APBA1: variants seen among roughly 807,000 people sequenced by gnomAD.
The protein encoded by APBA1 is amyloid-beta A4 precursor protein-binding family A member 1.
In APBA1, 55 loss-of-function variants were observed where a neutral mutation model predicts 86.6. The ratio of observed to expected loss-of-function variants is 0.64; its 90% confidence interval spans 0.51 to 0.80. The LOEUF (loss-of-function observed/expected upper bound fraction) is 0.80, where lower values mean the gene tolerates loss of function less well. Ranked by LOEUF, APBA1 falls within the 30% of genes least tolerant of loss-of-function variation. The pLI is 0.00. For missense variants in APBA1, 1,090 were observed against 1,183.0 expected (o/e 0.92, Z 1.15); for synonymous variants, 511 against 493.9 (o/e 1.03, Z -0.46).
chr9:69,442,950 C>T (rs192777421), intron 10 of APBA1, among the ~76,000 whole-genome samples: 84 of 152,340 alleles, frequency 5.5e-4, no homozygotes, highest in African/African-American at 1.9e-3. Context: ...GACAACTTCA[C>T]TGCAAACAGA....
chr9:69,545,719 C>T (rs1836687493), intron 1 of APBA1, among the ~76,000 whole-genome samples: 2 of 152,174 alleles, frequency 1.3e-5, no homozygotes, highest in South Asian at 2.1e-4. Flanking sequence ...TGTAAGAAGT[C>T]TTCTTTACTA....
At chr9:69,567,922 T>A (rs935808659) in intron 1 of APBA1, among the ~76,000 whole-genome samples, 7 of 152,096 alleles carry the variant, frequency 4.6e-5, no homozygotes, top group Admixed American at 2.6e-4. Flanking sequence ...GGAGAAATGA[T>A]GAAAACTCTT....
At chr9:69,643,267 C>T (rs1168217239) in intron 1 of APBA1, among the ~76,000 whole-genome samples, 2 of 152,094 alleles carry the variant, frequency 1.3e-5, no homozygotes, top group African/African-American at 2.4e-5. Flanking sequence ...CTTCACCTGC[C>T]GAGTCTCAGT....
At chr9:69,541,240 T>G (rs1311016714) in intron 1 of APBA1, among the ~76,000 whole-genome samples, 1 of 137,902 alleles carries the variant, frequency 7.3e-6, no homozygotes, top group African/African-American at 2.7e-5. Flanking sequence ...CTATTTTTAA[T>G]TGTTTTAGGG....
intron 3 of APBA1, 83 bp downstream of exon 3, chr9:69,475,965 A>C: frequency 9.0e-7 from 1 of 1,106,128 alleles, no homozygotes; most frequent in Non-Finnish European, 1.4e-6. Flanking sequence ...GGAGCGCTGT[A>C]GGATGCTGTA....
intron 11 of APBA1, among the ~76,000 whole-genome samples, chr9:69,434,708 A>AG: frequency 6.8e-6 from 1 of 146,388 alleles, no homozygotes; most frequent in African/African-American, 2.7e-5. Context: ...CTCCATCTCA[A>AG]TTTAAAAAAA....
At chr9:69,548,818 C>T (rs1171446664) in intron 1 of APBA1, among the ~76,000 whole-genome samples, 1 of 152,208 alleles carries the variant, frequency 6.6e-6, no homozygotes, top group Non-Finnish European at 1.5e-5. Flanking sequence ...TCCCCTCCTC[C>T]CCACAAAGCC....
intron 1 of APBA1, among the ~76,000 whole-genome samples, chr9:69,642,611 C>T (rs1581958): frequency 0.99 from 151,387 of 152,156 alleles, 75,316 homozygotes; most frequent in Middle Eastern, 1. Context: ...GGTCAAATAT[C>T]ATTCTATATG....
At chr9:69,649,224 T>C (rs1024776373) in intron 1 of APBA1, among the ~76,000 whole-genome samples, 2 of 152,194 alleles carry the variant, frequency 1.3e-5, no homozygotes, top group African/African-American at 4.8e-5. Flanking sequence ...TCTTCTCTTT[T>C]GCCCCTTTTC....
chr9:69,440,223 A>G (rs1053130225), intron 11 of APBA1, among the ~76,000 whole-genome samples: 6 of 152,148 alleles, frequency 3.9e-5, no homozygotes, highest in African/African-American at 7.2e-5. Flanking sequence ...TAGGCTACTC[A>G]GGGGTCAGGG....
chr9:69,646,587 C>T (rs558854940), intron 1 of APBA1, among the ~76,000 whole-genome samples: 56 of 152,274 alleles, frequency 3.7e-4, no homozygotes, highest in South Asian at 4.1e-4. Context: ...GGCTTCAAGC[C>T]TTCCTTGCTC....
chr9:69,565,237 GA>G (rs1472200335), intron 1 of APBA1, among the ~76,000 whole-genome samples: 2 of 151,930 alleles, frequency 1.3e-5, no homozygotes, highest in African/African-American at 4.8e-5. Context: ...CCTTTCCAAG[GA>G]CCCTCCTGTT....
In APBA1 at chr9:69,622,129, G is replaced by A. The variant is rs550515931; in HGVS notation, c.-70+50024C>T. On this transcript the variant is annotated intron_variant, in intron 1 of 12. Coordinates refer to ENST00000265381, the MANE Select transcript of APBA1 (RefSeq NM_001163.4). ...TCAATTGGTCTGGGATGGGCCCCAG[G>A]AATCTGGGGATGTCACCCATATGTG... 4.6e-5 allele frequency among the ~76,000 whole-genome samples: 7 copies of A among 152,256 alleles called. No individual in the cohort carries two copies. The East Asian group carries it at 1.4e-3, about 29-fold the overall frequency.
chr9:69,533,656 G>A (rs746507259), intron 1 of APBA1, among the ~76,000 whole-genome samples: 1 of 150,962 alleles, frequency 6.6e-6, no homozygotes, highest in Non-Finnish European at 1.5e-5. Flanking sequence ...GGTGGGAGTG[G>A]TAAAAAGGAC....
chr9:69,541,487 G>T (rs1351741716), intron 1 of APBA1, among the ~76,000 whole-genome samples: 1 of 150,964 alleles, frequency 6.6e-6, no homozygotes, highest in African/African-American at 2.4e-5. Flanking sequence ...TATACCCATT[G>T]ACCATCTGTA....
At chr9:69,606,349 C>CA (rs1822471760) in intron 1 of APBA1, among the ~76,000 whole-genome samples, 1 of 152,178 alleles carries the variant, frequency 6.6e-6, no homozygotes, top group Admixed American at 6.5e-5. Context: ...AACTTGATAT[C>CA]TGCTGCCTAG....
At chr9:69,538,428 C>T (rs1488802491) in intron 1 of APBA1, among the ~76,000 whole-genome samples, 1 of 152,192 alleles carries the variant, frequency 6.6e-6, no homozygotes, top group African/African-American at 2.4e-5. Context: ...CATCCCAAAT[C>T]CATGGAACTT....
At chr9:69,455,395 G>A (rs1396591199) in intron 8 of APBA1, among the ~76,000 whole-genome samples, 2 of 152,126 alleles carry the variant, frequency 1.3e-5, no homozygotes, top group African/African-American at 4.8e-5. Context: ...GATGGTGCGG[G>A]GAGGTAGGGG....
chr9:69,612,434 A>T (rs1188027443), intron 1 of APBA1, among the ~76,000 whole-genome samples: 1 of 152,068 alleles, frequency 6.6e-6, no homozygotes, highest in Non-Finnish European at 1.5e-5. Context: ...TAAATTCCTA[A>T]TAAAATACTA....
Sources: gnomAD v4.1 joint callset for allele counts (sites outside exome capture counted in the v4.1 genomes callset) on GRCh38, gnomAD v4.1.1 for gene constraint, MANE v1.5 for transcripts, NCBI Gene and HGNC (gene_info 2026-07-23, HGNC 2026-07-21) for gene names.